Variants in CCDC102B observed in about 807,000 individuals in gnomAD.
The protein encoded by CCDC102B is coiled-coil domain containing 102B, also known as coiled-coil domain-containing protein 102B.
Under a neutral mutation model 57.4 loss-of-function variants are expected in CCDC102B, and 75 were observed. That is an observed-to-expected ratio of 1.31 (90% CI 1.08 to 1.58). The LOEUF (loss-of-function observed/expected upper bound fraction) is 1.58, where lower values mean the gene tolerates loss of function less well. CCDC102B is among the 40% of genes most tolerant of loss of function. The probability of loss-of-function intolerance (pLI) is 0.00; values close to 1 mark genes in which losing one functional copy is unlikely to be tolerated. For missense variants in CCDC102B, 636 were observed against 582.6 expected, an observed-to-expected ratio of 1.09 and a Z score of -0.94; for synonymous variants, 206 against 201.9, an observed-to-expected ratio of 1.02 and a Z score of -0.17.
chr18:68,740,091 T>C (rs1267458487), intron 2 of CCDC102B, among the ~76,000 whole-genome samples: 1 of 152,234 alleles, frequency 6.6e-6, no homozygotes, highest in Admixed American at 6.5e-5. Flanking sequence ...TAATTCTTTG[T>C]TATGGAGAAG....
At chr18:69,002,847 T>G (rs1279851211) in intron 6 of CCDC102B, among the ~76,000 whole-genome samples, 1 of 152,172 alleles carries the variant, frequency 6.6e-6, no homozygotes, top group Non-Finnish European at 1.5e-5. Flanking sequence ...ATACCAGGAT[T>G]TTAAGATCTT....
chr18:68,776,833 G>C (rs1002231290), intron 2 of CCDC102B, among the ~76,000 whole-genome samples: 1 of 152,016 alleles, frequency 6.6e-6, no homozygotes, highest in African/African-American at 2.4e-5. Context: ...AAGACTTATT[G>C]ATACACATTG....
chr18:68,828,615 C>A (rs73967719), intron 1 of CCDC102B, among the ~76,000 whole-genome samples: 72 of 151,670 alleles, frequency 4.7e-4, no homozygotes, highest in Middle Eastern at 3.4e-3. Flanking sequence ...GCCCTAAATT[C>A]TTACATTAGA....
chr18:68,799,831 A>G (rs1292177609), intron 1 of CCDC102B, among the ~76,000 whole-genome samples: 1 of 152,162 alleles, frequency 6.6e-6, no homozygotes, highest in East Asian at 1.9e-4. Context: ...GAAAAAATAT[A>G]CCTTTGTGAG....
At chr18:68,810,351 AGCAG>A (rs1355388040) in intron 1 of CCDC102B, among the ~76,000 whole-genome samples, 3 of 152,182 alleles carry the variant, frequency 2.0e-5, no homozygotes, top group Non-Finnish European at 4.4e-5. Context: ...ATACACACTC[AGCAG>A]GTGGTAAGCC....
chr18:69,040,244 G>A (rs930063812), intron 7 of CCDC102B, among the ~76,000 whole-genome samples: 3 of 151,762 alleles, frequency 2.0e-5, no homozygotes, highest in African/African-American at 7.3e-5. Context: ...TTTCATTATC[G>A]CTACTAAACC....
chr18:68,812,125 C>T (rs1283928916), intron 1 of CCDC102B, among the ~76,000 whole-genome samples: 1 of 152,066 alleles, frequency 6.6e-6, no homozygotes, highest in Non-Finnish European at 1.5e-5. Context: ...AAATAAAAAC[C>T]TTGCTAAAGC....
upstream of CCDC102B, chr18:68,715,222 C>A (rs2145169462): frequency 3.7e-6 from 5 of 1,364,072 alleles, no homozygotes; most frequent in South Asian, 1.7e-5. Flanking sequence ...TCTTAAGAAT[C>A]CTTTGCGCTC....
Position 68,874,701 on chromosome 18 carries a change from A to C in CCDC102B, c.969A>C (p.Glu323Asp). The change falls in exon 5 of 8, where the codon GAA becomes GAC. Residue 323 changes from glutamate (E) to aspartate (D), a missense_variant. By Grantham distance (45) the Glu-to-Asp change is conservative. Transcript: ENST00000360242. ...TTCTTCTTGGTCAACATAATGATGA[A>C]ATGCAAGAACTGTCAGGCAATATAA... is the stretch of plus-strand genomic sequence containing the variant. Reference protein sequence around the residue: ...FDILLGQHNDEMQELSGNIKE... With the variant: ...FDILLGQHNDDMQELSGNIKE... 8 of 1,611,568 alleles carry C rather than the reference A, an allele frequency of 5.0e-6. No homozygotes were observed. The highest frequency in any genetic ancestry group is 6.8e-6 in the Non-Finnish European group (8 of 1,178,136).
intron 2 of CCDC102B, among the ~76,000 whole-genome samples, chr18:68,785,183 T>C (rs2035156824): frequency 6.6e-6 from 1 of 152,026 alleles, no homozygotes; most frequent in Non-Finnish European, 1.5e-5. Context: ...CTGCATAGTA[T>C]TCCATGGTGT....
chr18:68,969,378 A>T (rs1007319998), intron 6 of CCDC102B, among the ~76,000 whole-genome samples: 1 of 151,946 alleles, frequency 6.6e-6, no homozygotes, highest in Admixed American at 6.6e-5. Flanking sequence ...AATGGTACTT[A>T]TGCAGTTTTC....
At chr18:68,897,530 C>G in intron 6 of CCDC102B, 102 bp downstream of exon 6, 2 of 1,552,164 alleles carry the variant, frequency 1.3e-6, no homozygotes. Context: ...TGGATATTTC[C>G]TTTTGTGCCA....
intron 7 of CCDC102B, among the ~76,000 whole-genome samples, chr18:69,044,509 A>G (rs1445323779): frequency 6.6e-6 from 1 of 152,170 alleles, no homozygotes; most frequent in African/African-American, 2.4e-5. Context: ...GCAATATGAG[A>G]TATTTGAAAT....
At chr18:69,052,697 G>A (rs72962022) in intron 7 of CCDC102B, among the ~76,000 whole-genome samples, 5,067 of 151,732 alleles carry the variant, frequency 0.033, 145 homozygotes, top group East Asian at 0.15. Context: ...CCAGAAAGTC[G>A]TGCGGTGCGT....
At chr18:68,951,203 G>A (rs2049688290) in intron 6 of CCDC102B, among the ~76,000 whole-genome samples, 1 of 152,012 alleles carries the variant, frequency 6.6e-6, no homozygotes, top group Non-Finnish European at 1.5e-5. Flanking sequence ...GGGAGTTCCA[G>A]AAAAGAAAAT....
At chr18:68,800,686 A>T (rs571241856) in intron 1 of CCDC102B, among the ~76,000 whole-genome samples, 1 of 152,256 alleles carries the variant, frequency 6.6e-6, no homozygotes, top group East Asian at 1.9e-4. Flanking sequence ...TCTTTTTGAT[A>T]CATGGTATCA....
At chr18:68,966,090 T>C (rs977480625) in intron 6 of CCDC102B, among the ~76,000 whole-genome samples, 1 of 152,194 alleles carries the variant, frequency 6.6e-6, no homozygotes, top group Non-Finnish European at 1.5e-5. Context: ...GGTGTGGTTT[T>C]ATACTGTTTG....
chr18:68,988,608 A>G (rs966604693), intron 6 of CCDC102B, among the ~76,000 whole-genome samples: 3 of 152,218 alleles, frequency 2.0e-5, no homozygotes, highest in Non-Finnish European at 4.4e-5. Context: ...GTCAGCAAGA[A>G]TGAACTCGGA....
At chr18:68,949,025 C>A (rs994812150) in intron 6 of CCDC102B, among the ~76,000 whole-genome samples, 1 of 152,118 alleles carries the variant, frequency 6.6e-6, no homozygotes, top group African/African-American at 2.4e-5. Flanking sequence ...TGTTCAAGGG[C>A]AGGAAGCATC....
Sources: allele counts gnomAD v4.1 joint callset (sites outside exome capture counted in the v4.1 genomes callset), GRCh38; gene constraint gnomAD v4.1.1; transcripts MANE v1.5; gene names NCBI Gene and HGNC (gene_info 2026-07-23, HGNC 2026-07-21).